The following EHF variants were observed in gnomAD, a reference collection of about 807,000 sequenced individuals.
EHF encodes the protein ETS homologous factor, also known as ESE3 transcription factor.
In EHF, 14 loss-of-function variants were observed where a neutral mutation model predicts 45.1. That is an observed-to-expected ratio of 0.31 (90% CI 0.21 to 0.49). The LOEUF (loss-of-function observed/expected upper bound fraction) is 0.49. Ranked by LOEUF, EHF falls within the 20% of genes least tolerant of loss-of-function variation. The pLI, the probability that EHF is intolerant of heterozygous loss-of-function variation, is 0.99. For missense variants in EHF, 282 were observed against 371.4 expected (o/e 0.76, Z 1.98); for synonymous variants, 136 against 131.8 (o/e 1.03, Z -0.22).
chr11:34,649,139 G>T, intron 4 of EHF, 58 bp downstream of exon 4: 1 of 1,578,182 alleles, frequency 6.3e-7, no homozygotes, highest in South Asian at 1.1e-5. Context: ...GGGGAGGACA[G>T]TTGGGAGAGG....
In EHF at chr11:34,660,175, A is replaced by G. The variant is rs1276097953; in HGVS notation, c.*1244A>G. ...ATAGCTAGAGGAGCTTCTTTTCAGA[A>G]CCCCAGATGAGAGCCAATGTCAGAT... On this transcript the variant is annotated 3_prime_UTR_variant, in exon 9 of 9. Coordinates refer to ENST00000257831, the MANE Select transcript of EHF (RefSeq NM_012153.6). 6.6e-6 allele frequency: 1 copy of G among 152,146 alleles called. No homozygotes were observed. The highest frequency in any genetic ancestry group is 2.4e-5 in the African/African-American group (1 of 41,430). 9.4% of individuals were successfully genotyped at this position (152,146 alleles called of 1,614,324 possible).
At chr11:34,627,045 A>C (rs12416768) in intron 1 of EHF, among the ~76,000 whole-genome samples, 1 of 152,040 alleles carries the variant, frequency 6.6e-6, no homozygotes, top group South Asian at 2.1e-4. Flanking sequence ...GAAGTCTTCA[A>C]TTTGGGTGTT....
intron 1 of EHF, among the ~76,000 whole-genome samples, chr11:34,629,093 C>G (rs1359263600): frequency 6.6e-6 from 1 of 152,182 alleles, no homozygotes; most frequent in Non-Finnish European, 1.5e-5. Context: ...TCATTTTCAT[C>G]AGGCTCAGCT....
At position 34,658,883 on chromosome 11, in the gene EHF, A is replaced by G. The variant is rs1855904133; in HGVS notation, c.855A>G (p.Val285=). The part of the protein sequence containing the change: ...ILERVDGRRL[V]YKFGKNARGW... The stretch of plus-strand genomic sequence containing the variant: ...AGCGTGTGGATGGACGAAGACTGGT[A>G]TATAAATTTGGGAAGAATGCCCGAG... Residue 285 remains valine, a synonymous_variant, in exon 9 of 9, where the codon GTA becomes GTG. Coordinates refer to ENST00000257831, the MANE Select transcript of EHF (RefSeq NM_012153.6). The G allele has an allele frequency of 1.2e-6, 2 of 1,613,520 alleles. No individual in the cohort carries two copies. The highest frequency in any genetic ancestry group is 1.7e-6 in the Non-Finnish European group (2 of 1,179,700).
intron 7 of EHF, among the ~76,000 whole-genome samples, chr11:34,657,258 A>C (rs1009073459): frequency 0.036 from 5 of 138 alleles, no homozygotes; most frequent in African/African-American, 0.1. Context: ...TGGGGTTGGC[A>C]ATTTCCTCTC....
chr11:34,653,140 ACATCCTTCCATCCTTC>A (rs11274412), intron 6 of EHF, among the ~76,000 whole-genome samples: 71,704 of 148,152 alleles, frequency 0.48, 18,389 homozygotes, highest in East Asian at 0.87. Context: ...GTCATCTCCC[ACATCCTTCCATCCTTC>A]CATCCTTCCA....
chr11:34,650,515 G>A (rs1855044374), intron 4 of EHF, among the ~76,000 whole-genome samples: 1 of 152,210 alleles, frequency 6.6e-6, no homozygotes, highest in African/African-American at 2.4e-5. Flanking sequence ...TGTATCATTT[G>A]TGCTATAAAA....
intron 1 of EHF, among the ~76,000 whole-genome samples, chr11:34,628,550 A>G (rs1852581544): frequency 6.6e-6 from 1 of 152,208 alleles, no homozygotes; most frequent in African/African-American, 2.4e-5. Flanking sequence ...CAAAAGGGGA[A>G]TATGATCTTC....
intron 1 of EHF, among the ~76,000 whole-genome samples, chr11:34,640,734 G>C (rs1319934488): frequency 6.6e-6 from 1 of 152,156 alleles, no homozygotes. Context: ...GAGAATCAAA[G>C]AGCTTTTCAG....
At chr11:34,648,569 A>G (rs1282072167) in intron 3 of EHF, among the ~76,000 whole-genome samples, 1 of 152,174 alleles carries the variant, frequency 6.6e-6, no homozygotes, top group Non-Finnish European at 1.5e-5. Context: ...AAGCTAGTTA[A>G]AAAGGTTTTT....
chr11:34,632,152 A>G (rs918127335), intron 1 of EHF, among the ~76,000 whole-genome samples: 7 of 152,252 alleles, frequency 4.6e-5, no homozygotes, highest in African/African-American at 1.4e-4. Context: ...ATGAACACTC[A>G]GTCAAACCAG....
Position 34,661,820 on chromosome 11 carries a change from A to G in EHF, c.*2889A>G, listed in dbSNP as rs1856102005. 6.6e-6 allele frequency among the ~76,000 whole-genome samples: 1 copy of G among 152,088 alleles called. No homozygotes were observed. The highest frequency in any genetic ancestry group is 1.5e-5 in the Non-Finnish European group (1 of 68,002). ...CATGGTCACTAAACATGTTATCCTT[A>G]AACCCCCCGTATGCCTGAGTTGAAA... On this transcript the variant is annotated 3_prime_UTR_variant, in exon 9 of 9. Coordinates refer to ENST00000257831, the MANE Select transcript of EHF (RefSeq NM_012153.6).
intron 1 of EHF, among the ~76,000 whole-genome samples, chr11:34,632,930 G>C (rs530969093): frequency 6.6e-6 from 1 of 152,154 alleles, no homozygotes; most frequent in Non-Finnish European, 1.5e-5. Context: ...TGTAATGGCC[G>C]GATAAGCATT....
intron 1 of EHF, among the ~76,000 whole-genome samples, chr11:34,634,808 C>T (rs564434270): frequency 3.3e-5 from 5 of 152,196 alleles, no homozygotes; most frequent in South Asian, 4.2e-4. Context: ...AGGCAGCAGA[C>T]GGCACAGGGA....
At chr11:34,636,875 C>CA (rs1853467705) in intron 1 of EHF, among the ~76,000 whole-genome samples, 1 of 151,940 alleles carries the variant, frequency 6.6e-6, no homozygotes, top group African/African-American at 2.4e-5. Context: ...ACTAAAAATA[C>CA]AAAATTAGCC....
chr11:34,651,970 G>T (rs1191831798), intron 6 of EHF, among the ~76,000 whole-genome samples, 165 bp downstream of exon 6: 2 of 152,204 alleles, frequency 1.3e-5, no homozygotes, highest in East Asian at 3.8e-4. Context: ...GGCAATATTT[G>T]TACATCGAAG....
chr11:34,663,276 A>C lies in EHF; in HGVS notation c.*4345A>C, dbSNP rs1449833293. Among the ~76,000 whole-genome samples, 1 of 152,166 alleles carries C rather than the reference A, an allele frequency of 6.6e-6. No individual in the cohort carries two copies. Among genetic ancestry groups the C allele is most frequent in the Admixed American group, 6.6e-5 (1 of 15,264 alleles). On this transcript the variant is annotated 3_prime_UTR_variant, in exon 9 of 9. Coordinates refer to ENST00000257831, the MANE Select transcript of EHF (RefSeq NM_012153.6). ...GGAAACACTAATAAAAACCACAGAG[A>C]CCAGCCTGGAAATGCGTGTTTCATT...
chr11:34,652,939 G>A (rs286895), intron 6 of EHF, among the ~76,000 whole-genome samples: 137,610 of 152,224 alleles, frequency 0.9, 63,859 homozygotes, highest in East Asian at 1. Context: ...TGTCACTTGA[G>A]GTATTTGTTA....
intron 1 of EHF, among the ~76,000 whole-genome samples, chr11:34,626,599 A>AATTC (rs1852396925): frequency 6.6e-6 from 1 of 152,224 alleles, no homozygotes; most frequent in Non-Finnish European, 1.5e-5. Context: ...TTTGACTCTA[A>AATTC]ATTCAGCCTC....
Sources: gnomAD v4.1 joint callset for allele counts (sites outside exome capture counted in the v4.1 genomes callset) on GRCh38, gnomAD v4.1.1 for gene constraint, MANE v1.5 for transcripts, NCBI Gene and HGNC (gene_info 2026-07-23, HGNC 2026-07-21) for gene names.